The following SCN11A variants were observed in gnomAD, a reference collection of about 807,000 sequenced individuals.
SCN11A encodes the protein sodium voltage-gated channel alpha subunit 11.
In SCN11A, 122 loss-of-function variants were observed where a neutral mutation model predicts 162.2. The observed-to-expected ratio is 0.75, with a 90% CI of 0.65 to 0.87. The LOEUF (loss-of-function observed/expected upper bound fraction) is 0.87. Among genes scored for constraint, SCN11A ranks in the 40% least tolerant of loss-of-function variants. The pLI is 0.00. For synonymous variants in SCN11A, 758 were observed against 751.5 expected, an observed-to-expected ratio of 1.01 and a Z score of -0.14; for missense variants, 2,015 against 2,181.6, an observed-to-expected ratio of 0.92 and a Z score of 1.52.
intron 27 of SCN11A, among the ~76,000 whole-genome samples, chr3:38,867,019 G>A (rs2065051672): frequency 6.6e-6 from 1 of 152,136 alleles, no homozygotes; most frequent in Non-Finnish European, 1.5e-5. Context: ...TACTAATCCT[G>A]GTGGTTGTTG....
chr3:38,913,631 T>C (rs2065916509), intron 11 of SCN11A, among the ~76,000 whole-genome samples: 1 of 152,124 alleles, frequency 6.6e-6, no homozygotes, highest in Non-Finnish European at 1.5e-5. Context: ...AGTTTGGGGA[T>C]TTACATTTAA....
At chr3:38,870,323 T>G (rs2065105048) in intron 26 of SCN11A, among the ~76,000 whole-genome samples, 5 of 152,222 alleles carry the variant, frequency 3.3e-5, no homozygotes, top group Non-Finnish European at 5.9e-5. Flanking sequence ...TCCCACAATC[T>G]AAAACAGATA....
At chr3:38,850,324 G>A in intron 29 of SCN11A, 157 bp downstream of exon 29, 1 of 648,014 alleles carries the variant, frequency 1.5e-6, no homozygotes, top group Non-Finnish European at 2.6e-6. Context: ...CAACTTCCCA[G>A]TAGAGAATGG....
At chr3:38,883,811 C>A (rs1476284426) in intron 21 of SCN11A, among the ~76,000 whole-genome samples, 1 of 152,186 alleles carries the variant, frequency 6.6e-6, no homozygotes, top group Non-Finnish European at 1.5e-5. Context: ...CCTGCAGGCA[C>A]ATGTTTACTA....
Position 38,870,379 on chromosome 3 carries a change from G to A in SCN11A, c.3813+312C>T, listed in dbSNP as rs548499639. Reference sequence around the variant, plus strand: ...GACTATCCAACCATTTGGAGAAGAGGGAAGAAGAAAATCAAGGCATCCTGT... The same window carrying A: ...GACTATCCAACCATTTGGAGAAGAGAGAAGAAGAAAATCAAGGCATCCTGT... On this transcript the variant is annotated intron_variant, in intron 26 of 29. Transcript: ENST00000302328. Among the ~76,000 whole-genome samples, 9 of 152,260 alleles carry A rather than the reference G, an allele frequency of 5.9e-5. No individual in the cohort carries two copies. In the East Asian group the frequency reaches 1.5e-3, roughly 26 times the overall value.
In SCN11A at chr3:38,850,738, C is replaced by G. The variant is rs756659644; in HGVS notation, c.4070G>C (p.Gly1357Ala). ...PIPRPLNKCQ[G>A]LVFDIVTSQI... The stretch of plus-strand genomic sequence containing the variant: ...GCTTGTGACTATGTCGAACACGAGA[C>G]CTTGACATTTGTTCTGAGAAAAAAA... Residue 1357 changes from glycine (G) to alanine (A), a missense_variant, in exon 29 of 30, where the codon GGT becomes GCT. Physicochemically the swap from Gly to Ala is moderately conservative, Grantham distance 60. Transcript: ENST00000302328. 22 of 1,601,422 alleles carry G rather than the reference C, an allele frequency of 1.4e-5. No individual in the cohort carries two copies. The Admixed American group carries it at 3.6e-4, about 26-fold the overall frequency.
chr3:39,026,520 A>C (rs1051881944), intron 2 of SCN11A, among the ~76,000 whole-genome samples: 3 of 152,090 alleles, frequency 2.0e-5, no homozygotes, highest in Non-Finnish European at 4.4e-5. Flanking sequence ...CATCCTGCAG[A>C]CCTCTGTCAA....
intron 3 of SCN11A, among the ~76,000 whole-genome samples, chr3:38,956,398 T>TAATGAGA (rs2066682399): frequency 6.6e-6 from 1 of 152,070 alleles, no homozygotes; most frequent in South Asian, 2.1e-4. Context: ...AAAAGAAAGG[T>TAATGAGA]AATGAGAAAT....
In SCN11A at chr3:38,894,384, G is replaced by A. The variant is rs1473468328; in HGVS notation, c.2835+149C>T. On this transcript the variant is annotated intron_variant, in intron 19 of 29. Transcript: ENST00000302328. ...CCTGCAGGACCACAATAAAGAACCT[G>A]TCCTGAGATGTGCACATGGGTATCA... 46 of 698,058 alleles carry A rather than the reference G, an allele frequency of 6.6e-5. No homozygotes were observed. In the South Asian group the frequency reaches 8.1e-4, roughly 12 times the overall value. The allele number at this position is 698,058 out of a possible 1,614,324, so 43.2% of individuals were successfully genotyped here.
chr3:38,860,791 C>G (rs115764146), intron 28 of SCN11A, among the ~76,000 whole-genome samples: 75 of 152,148 alleles, frequency 4.9e-4, no homozygotes, highest in African/African-American at 1.8e-3. Flanking sequence ...TCATACTGAA[C>G]AGGTAATGGT....
intron 28 of SCN11A, among the ~76,000 whole-genome samples, chr3:38,860,720 G>A (rs755182851): frequency 5.9e-5 from 9 of 152,068 alleles, no homozygotes; most frequent in Non-Finnish European, 1.2e-4. Context: ...CAGCAAAACT[G>A]GCATAGAAGG....
At chr3:38,937,215 A>G (rs953575066) in intron 7 of SCN11A, among the ~76,000 whole-genome samples, 1 of 151,762 alleles carries the variant, frequency 6.6e-6, no homozygotes, top group Admixed American at 6.6e-5. Context: ...TTATACAAAA[A>G]TTAATTCAAG....
At chr3:38,958,673 A>G (rs993527127) in intron 3 of SCN11A, among the ~76,000 whole-genome samples, 15 of 152,162 alleles carry the variant, frequency 9.9e-5, no homozygotes, top group African/African-American at 2.7e-4. Flanking sequence ...TTTTGTCCAT[A>G]TATTTCATAT....
At position 38,951,367 on chromosome 3, in the gene SCN11A, C is replaced by T. The variant is rs1575330318; in HGVS notation, c.-7-998G>A. Among the ~76,000 whole-genome samples, 2 of 152,250 alleles carry T rather than the reference C, an allele frequency of 1.3e-5. 1 individual carries two copies. Among genetic ancestry groups the T allele is most frequent in the Non-Finnish European group, 2.9e-5 (2 of 68,050 alleles). On this transcript the variant is annotated intron_variant, in intron 4 of 29. Coordinates refer to ENST00000302328, the MANE Select transcript of SCN11A (RefSeq NM_001349253.2). ...ACTGGCGCTGCACTCGATTTCTCAC[C>T]GGGCCTTAGCTGACTTCCCGCGGGG...
intron 2 of SCN11A, among the ~76,000 whole-genome samples, chr3:39,029,488 C>CACAT (rs1444557289): frequency 6.6e-5 from 10 of 152,170 alleles, no homozygotes; most frequent in African/African-American, 1.7e-4. Flanking sequence ...GGCTCACTGT[C>CACAT]ATGTGTGTTC....
At chr3:38,929,537 G>A (rs758809887) in intron 7 of SCN11A, among the ~76,000 whole-genome samples, 1 of 152,060 alleles carries the variant, frequency 6.6e-6, no homozygotes, top group Admixed American at 6.6e-5. Flanking sequence ...TAGTTAAGAC[G>A]GTATCTTTTA....
chr3:39,041,811 T>C (rs2032054050), intron 1 of SCN11A, among the ~76,000 whole-genome samples: 1 of 151,464 alleles, frequency 6.6e-6, no homozygotes, highest in African/African-American at 2.4e-5. Flanking sequence ...ATAAACTTTA[T>C]CACTGCAAAG....
At chr3:38,982,792 G>C (rs1419302860) in intron 2 of SCN11A, among the ~76,000 whole-genome samples, 1 of 152,162 alleles carries the variant, frequency 6.6e-6, no homozygotes, top group Non-Finnish European at 1.5e-5. Flanking sequence ...TGGACCCAGG[G>C]TCAGGATCCT....
At chr3:38,987,529 C>T (rs2030300332) in intron 2 of SCN11A, among the ~76,000 whole-genome samples, 1 of 152,110 alleles carries the variant, frequency 6.6e-6, no homozygotes, top group Admixed American at 6.5e-5. Flanking sequence ...TAGTAATCTC[C>T]CCAAGACACT....
Sources: gnomAD v4.1 joint callset for allele counts (sites outside exome capture counted in the v4.1 genomes callset) on GRCh38, gnomAD v4.1.1 for gene constraint, MANE v1.5 for transcripts, NCBI Gene and HGNC (gene_info 2026-07-23, HGNC 2026-07-21) for gene names.